Variants in LRBA observed in about 807,000 individuals in gnomAD.
LRBA encodes the protein lipopolysaccharide-responsive and beige-like anchor protein.
In LRBA, 176 loss-of-function variants were observed where a neutral mutation model predicts 330.0. The observed-to-expected ratio is 0.53, with a 90% confidence interval of 0.47 to 0.60. The LOEUF (loss-of-function observed/expected upper bound fraction) is 0.60, where lower values mean the gene tolerates loss of function less well. Ranked by LOEUF, LRBA falls within the 20% of genes least tolerant of loss-of-function variation. LRBA has a pLI of 0.00. For synonymous variants in LRBA, 1,230 were observed against 1,193.0 expected (o/e 1.03, Z -0.64); for missense variants, 3,259 against 3,444.8 (o/e 0.95, Z 1.35).
chr4:150,821,792 A>T (rs191400597), intron 30 of LRBA, among the ~76,000 whole-genome samples: 6 of 152,322 alleles, frequency 3.9e-5, no homozygotes, highest in African/African-American at 1.4e-4. Context: ...ATCAGAGAGG[A>T]TCTTCAAATT....
chr4:150,964,736 T>G (rs1479318574), intron 2 of LRBA, among the ~76,000 whole-genome samples: 1 of 152,080 alleles, frequency 6.6e-6, no homozygotes, highest in African/African-American at 2.4e-5. Flanking sequence ...TTTGTTCACA[T>G]GTTTATCTGC....
In LRBA at chr4:150,710,947, G is replaced by C. The variant is rs555177721; in HGVS notation, c.5754+24311C>G. Among the ~76,000 whole-genome samples, 10 of 151,952 alleles carry C rather than the reference G, an allele frequency of 6.6e-5. No individual in the cohort carries two copies. The South Asian group carries it at 2.1e-3, about 32-fold the overall frequency. ...AGTTTACAGTTCTATCTCTGACTGAGAGCTAAATGTCCCCCAAAAAGCAAG... is the reference window on the plus strand; with the variant it reads ...AGTTTACAGTTCTATCTCTGACTGACAGCTAAATGTCCCCCAAAAAGCAAG... On this transcript the variant is annotated intron_variant, in intron 36 of 56. Transcript: ENST00000651943.
At chr4:150,485,425 G>A (rs545897741) in intron 42 of LRBA, among the ~76,000 whole-genome samples, 86 of 151,892 alleles carry the variant, frequency 5.7e-4, no homozygotes, top group Non-Finnish European at 9.4e-4. Flanking sequence ...CTCCTTAAAA[G>A]CTATATATTG....
At chr4:150,483,050 T>C (rs560661321) in intron 42 of LRBA, among the ~76,000 whole-genome samples, 8 of 152,090 alleles carry the variant, frequency 5.3e-5, no homozygotes, top group Non-Finnish European at 8.8e-5. Flanking sequence ...AAAGAAATAT[T>C]TACCTAATTC....
chr4:150,397,256 C>T (rs1324846773), intron 47 of LRBA, among the ~76,000 whole-genome samples: 1 of 152,026 alleles, frequency 6.6e-6, no homozygotes, highest in African/African-American at 2.4e-5. Context: ...TATTTTCATA[C>T]AATGTACGAT....
intron 40 of LRBA, among the ~76,000 whole-genome samples, chr4:150,520,486 G>A (rs1762808042): frequency 6.6e-6 from 1 of 151,498 alleles, no homozygotes. Flanking sequence ...GAATATTATT[G>A]TAAATGATAT....
intron 24 of LRBA, among the ~76,000 whole-genome samples, 176 bp from the exon 25 acceptor site, chr4:150,849,751 T>C (rs2126910021): frequency 6.6e-6 from 1 of 152,360 alleles, no homozygotes; most frequent in Non-Finnish European, 1.5e-5. Context: ...GACCATTCCA[T>C]ATCAGTAGTT....
intron 40 of LRBA, among the ~76,000 whole-genome samples, chr4:150,516,217 C>CTTTTTTTTTTTTTTTTT (rs869205771): frequency 3.1e-4 from 9 of 29,408 alleles, no homozygotes; most frequent in African/African-American, 5.7e-4. Flanking sequence ...TTTCTATTCT[C>CTTTTTTTTTTTTTTTTT]TTTTTTTTTT....
intron 47 of LRBA, among the ~76,000 whole-genome samples, chr4:150,409,072 G>A (rs1677087174): frequency 6.6e-6 from 1 of 151,996 alleles, no homozygotes; most frequent in Admixed American, 6.6e-5. Context: ...TCTTTATTTA[G>A]GATAGGCCAT....
chr4:150,298,137 A>C lies in LRBA; in HGVS notation c.8017+4488T>G, dbSNP rs1560980100. On this transcript the variant is annotated intron_variant, in intron 53 of 56. Transcript: ENST00000651943. ...CCACCTAAATTTTGGCAAGACAAAG[A>C]ATAAGAATTTATCAGTAGCTTCAGT... 3.3e-5 allele frequency among the ~76,000 whole-genome samples: 5 copies of C among 152,278 alleles called. No homozygotes were observed. The South Asian group carries it at 8.3e-4, about 25-fold the overall frequency.
chr4:150,562,842 C>A (rs990793486), intron 40 of LRBA, among the ~76,000 whole-genome samples: 4 of 151,856 alleles, frequency 2.6e-5, no homozygotes, highest in Non-Finnish European at 5.9e-5. Context: ...CTCTGTTGAC[C>A]AGGCTGGAAT....
At position 150,808,358 on chromosome 4, in the gene LRBA, T is replaced by G; in HGVS notation, c.5346A>C (p.Thr1782=). 6.2e-7 allele frequency: 1 copy of G among 1,612,810 alleles called. No homozygotes were observed. The highest frequency in any genetic ancestry group is 1.1e-5 in the South Asian group (1 of 90,920). ...CCGGATCTTGTGAAACTGAATCAAC[T>G]GTTGGAACTGAGGGCAATTTTGCAT... ...SSNAKLPSVP[T]VDSVSQDPVS... The change falls in exon 32 of 57, where the codon ACA becomes ACC. Residue 1782 remains threonine (T), a synonymous_variant. Coordinates refer to ENST00000651943, the MANE Select transcript of LRBA (RefSeq NM_001364905.1).
intron 47 of LRBA, among the ~76,000 whole-genome samples, chr4:150,359,555 A>G (rs1271756432): frequency 2.0e-5 from 3 of 152,228 alleles, no homozygotes; most frequent in African/African-American, 7.2e-5. Context: ...AATTGTTTAC[A>G]TGGTAGAAGA....
intron 37 of LRBA, among the ~76,000 whole-genome samples, chr4:150,664,699 A>G (rs1481301842): frequency 2.0e-5 from 3 of 152,156 alleles, no homozygotes; most frequent in African/African-American, 7.2e-5. Flanking sequence ...CTACTAATTA[A>G]AAGTGCTTAT....
At chr4:150,642,316 A>C (rs1283433922) in intron 37 of LRBA, among the ~76,000 whole-genome samples, 3 of 151,920 alleles carry the variant, frequency 2.0e-5, no homozygotes, top group Non-Finnish European at 4.4e-5. Flanking sequence ...GAATGGTATA[A>C]CATACTAGGC....
intron 40 of LRBA, among the ~76,000 whole-genome samples, chr4:150,563,596 C>A (rs1248420524): frequency 2.0e-5 from 3 of 152,158 alleles, no homozygotes; most frequent in Non-Finnish European, 4.4e-5. Context: ...GTCAAATTGT[C>A]TCTGTTTGCA....
intron 53 of LRBA, among the ~76,000 whole-genome samples, chr4:150,292,783 C>T (rs919084270): frequency 2.0e-5 from 3 of 152,058 alleles, no homozygotes; most frequent in African/African-American, 7.2e-5. Flanking sequence ...GTACTATAAA[C>T]CTGCAAATTA....
chr4:150,754,748 A>C (rs1734065687), intron 35 of LRBA, among the ~76,000 whole-genome samples: 1 of 152,154 alleles, frequency 6.6e-6, no homozygotes, highest in Non-Finnish European at 1.5e-5. Flanking sequence ...TTATCTCTTA[A>C]AAGAAAAAAA....
At chr4:150,703,482 C>A (rs1440355390) in intron 36 of LRBA, among the ~76,000 whole-genome samples, 2 of 152,048 alleles carry the variant, frequency 1.3e-5, no homozygotes, top group Non-Finnish European at 2.9e-5. Context: ...CAAGCCTATA[C>A]CAGATGTTGA....
Sources: gnomAD v4.1 joint callset for allele counts (sites outside exome capture counted in the v4.1 genomes callset) on GRCh38, gnomAD v4.1.1 for gene constraint, MANE v1.5 for transcripts, NCBI Gene and HGNC (gene_info 2026-07-23, HGNC 2026-07-21) for gene names.